Variants in DHCR24 observed in about 807,000 individuals in gnomAD.
DHCR24 encodes the protein delta(24)-sterol reductase.
A neutral mutation model predicts 61.2 loss-of-function variants in DHCR24; 28 were observed. That is an observed-to-expected ratio of 0.46 (90% CI 0.34 to 0.63). The LOEUF (loss-of-function observed/expected upper bound fraction) is 0.63. Ranked by LOEUF, DHCR24 falls within the 20% of genes least tolerant of loss-of-function variation. DHCR24 has a pLI of 0.01. For synonymous variants in DHCR24, 261 were observed against 275.9 expected, an observed-to-expected ratio of 0.95 and a Z score of 0.54; for missense variants, 538 against 679.1, an observed-to-expected ratio of 0.79 and a Z score of 2.31.
Position 54,875,995 on chromosome 1 carries a change from G to A in DHCR24, c.440C>T (p.Thr147Ile), listed in dbSNP as rs770796946. 2.5e-6 allele frequency: 4 copies of A among 1,613,984 alleles called. No individual in the cohort carries two copies. Among genetic ancestry groups the A allele is most frequent in the Non-Finnish European group, 3.4e-6 (4 of 1,179,908 alleles). The change falls in exon 3 of 9, where the codon ACC becomes ATC. Residue 147 changes from threonine to isoleucine, a missense_variant. Physicochemically the swap from Thr to Ile is moderately conservative, Grantham distance 89. Transcript: ENST00000371269. Reference protein sequence around the residue: ...VTMGQVTALLTSIGWTLPVLP... With the variant: ...VTMGQVTALLISIGWTLPVLP... ...CACGGGGAGAGTCCAGCCAATGGAG[G>A]TCAGCAGGGCAGTCACCTGGCCCAT...
At chr1:54,872,654 G>A (rs1347665064) in intron 4 of DHCR24, among the ~76,000 whole-genome samples, 2 of 152,154 alleles carry the variant, frequency 1.3e-5, no homozygotes, top group South Asian at 4.1e-4. Flanking sequence ...TGAGCTCTAT[G>A]CAAGGAGCTT....
chr1:54,863,615 T>G (rs989413115), intron 6 of DHCR24, among the ~76,000 whole-genome samples: 2 of 152,216 alleles, frequency 1.3e-5, no homozygotes, highest in African/African-American at 2.4e-5. Flanking sequence ...TATAAAGGTC[T>G]TTGAAGAAAA....
chr1:54,866,279 C>T (rs1164992594), intron 5 of DHCR24, among the ~76,000 whole-genome samples: 1 of 152,064 alleles, frequency 6.6e-6, no homozygotes, highest in Non-Finnish European at 1.5e-5. Context: ...AATAAAAATA[C>T]ATACTTTGTG....
chr1:54,854,488 A>T (rs1364258237), intron 6 of DHCR24, among the ~76,000 whole-genome samples: 1 of 152,120 alleles, frequency 6.6e-6, no homozygotes, highest in Non-Finnish European at 1.5e-5. Flanking sequence ...CAGTTTCCTT[A>T]TCTGTAAAAT....
chr1:54,874,495 C>A (rs545988839), intron 4 of DHCR24, among the ~76,000 whole-genome samples: 2 of 152,306 alleles, frequency 1.3e-5, no homozygotes, highest in Admixed American at 1.3e-4. Context: ...GTAGGCTATC[C>A]AAATAGCCTA....
intron 2 of DHCR24, among the ~76,000 whole-genome samples, chr1:54,881,560 C>T (rs768558628): frequency 3.3e-5 from 5 of 152,142 alleles, no homozygotes; most frequent in African/African-American, 4.8e-5. Flanking sequence ...ATTAGTTCAA[C>T]CATGTGGGAG....
chr1:54,857,047 T>C (rs1035749993), intron 6 of DHCR24, among the ~76,000 whole-genome samples: 2 of 152,264 alleles, frequency 1.3e-5, no homozygotes, highest in South Asian at 4.1e-4. Context: ...TTCCTAAAAA[T>C]AGTCAACTGG....
At chr1:54,864,527 A>C (rs1203951500) in intron 6 of DHCR24, among the ~76,000 whole-genome samples, 1 of 152,220 alleles carries the variant, frequency 6.6e-6, no homozygotes, top group Non-Finnish European at 1.5e-5. Context: ...CAGGCTGGGG[A>C]AAGGGGAGAG....
At chr1:54,879,703 C>T (rs1361965634) in intron 2 of DHCR24, among the ~76,000 whole-genome samples, 1 of 152,094 alleles carries the variant, frequency 6.6e-6, no homozygotes, top group Admixed American at 6.5e-5. Context: ...TACCAAAGCA[C>T]ATCATAATAA....
rs764486755 is a variant in DHCR24, at chr1:54,871,353, G to C, written c.873C>G (p.Ser291Arg). 1 of 1,614,002 alleles carries C rather than the reference G, an allele frequency of 6.2e-7. No homozygotes were observed. The highest frequency in any genetic ancestry group is 8.5e-7 in the Non-Finnish European group (1 of 1,180,020). The change falls in exon 5 of 9, where the codon AGC (serine) becomes AGG (arginine). Residue 291 changes from serine to arginine, a missense_variant. Physicochemically the swap from Ser to Arg is moderately radical, Grantham distance 110. Transcript: ENST00000371269. ...TGVMTDEAEP[S>R]KLNSIGNYYK... ...AGCAGCTGACACCCTGGCTTACCTT[G>C]CTGGGCTCTGCCTCATCTGTCATGA...
intron 2 of DHCR24, among the ~76,000 whole-genome samples, chr1:54,877,431 G>T (rs1369464517): frequency 6.6e-6 from 1 of 151,504 alleles, no homozygotes; most frequent in African/African-American, 2.4e-5. Context: ...AAAAAAACCT[G>T]ACAAAATATA....
At chr1:54,852,428 CG>C (rs779120737) in intron 8 of DHCR24, 42 bp from the exon 9 acceptor site, 5 of 1,611,608 alleles carry the variant, frequency 3.1e-6, no homozygotes, top group Non-Finnish European at 4.2e-6. Context: ...AGGAGGCACA[CG>C]GAACGCGAGG....
intron 6 of DHCR24, 81 bp from the exon 7 acceptor site, chr1:54,854,315 G>C: frequency 1.6e-6 from 2 of 1,283,376 alleles, no homozygotes; most frequent in Non-Finnish European, 2.2e-6. Flanking sequence ...CAGGGGCCAG[G>C]TCCCATTCTG....
At chr1:54,874,150 C>G (rs1231253222) in intron 4 of DHCR24, among the ~76,000 whole-genome samples, 2 of 152,158 alleles carry the variant, frequency 1.3e-5, no homozygotes, top group Non-Finnish European at 2.9e-5. Context: ...AGTAAGCTAA[C>G]AGTATTTATT....
At position 54,883,268 on chromosome 1, in the gene DHCR24, T is replaced by C. The variant is rs1647073943; in HGVS notation, c.387+350A>G. The stretch of plus-strand genomic sequence containing the variant: ...AACAAGAGGGTTTCCAGGAAGCTTG[T>C]AACAAGACCCATGTCTCTCAGTCAC... On this transcript the variant is annotated intron_variant, in intron 2 of 8. Transcript: ENST00000371269. This position sits in a 1 kb window ranked among gnomAD's most constrained non-coding sequence, Gnocchi z 4.3. 2.0e-5 allele frequency among the ~76,000 whole-genome samples: 3 copies of C among 152,306 alleles called. No homozygotes were observed. The highest frequency in any genetic ancestry group is 6.5e-5 in the Admixed American group (1 of 15,302).
chr1:54,861,052 G>C (rs1441738798), intron 6 of DHCR24, among the ~76,000 whole-genome samples: 1 of 150,706 alleles, frequency 6.6e-6, no homozygotes, highest in Admixed American at 6.6e-5. Context: ...TCCTGACCAC[G>C]CCTGGCCTCT....
Position 54,871,402 on chromosome 1 carries a change from T to A in DHCR24, c.824A>T (p.Asp275Val). The A allele has an allele frequency of 1.2e-6, 2 of 1,614,128 alleles. No individual in the cohort carries two copies. The highest frequency in any genetic ancestry group is 1.7e-6 in the Non-Finnish European group (2 of 1,180,016). ...HFVEGLLYSL[D>V]EAVIMTGVMT... Reference sequence around the variant, plus strand: ...GACCCCTGTCATAATGACAGCCTCATCCAGGGAGTAGAGCAGCCCTTCCAC... The same window carrying A: ...GACCCCTGTCATAATGACAGCCTCAACCAGGGAGTAGAGCAGCCCTTCCAC... The change falls in exon 5 of 9, where the codon GAT becomes GTT. Residue 275 changes from aspartate (D) to valine (V), a missense_variant. Coordinates refer to ENST00000371269, the MANE Select transcript of DHCR24 (RefSeq NM_014762.4).
At chr1:54,875,862 A>T in intron 3 of DHCR24, 80 bp downstream of exon 3, 1 of 1,102,104 alleles carries the variant, frequency 9.1e-7, no homozygotes, top group South Asian at 1.3e-5. Flanking sequence ...TTCCAGGACT[A>T]GATGGAGGGT....
intron 4 of DHCR24, 85 bp from the exon 5 acceptor site, chr1:54,871,698 A>G (rs1647000898): frequency 1.3e-6 from 2 of 1,567,912 alleles, no homozygotes; most frequent in African/African-American, 1.4e-5. Flanking sequence ...AAAGCCTGGG[A>G]GAGTCCCTAT....
Sources: gnomAD v4.1 joint callset for allele counts (sites outside exome capture counted in the v4.1 genomes callset) on GRCh38, gnomAD v4.1.1 for gene constraint, Gnocchi (gnomAD v3.1) non-coding constraint, MANE v1.5 for transcripts, NCBI Gene and HGNC (gene_info 2026-07-23, HGNC 2026-07-21) for gene names.